PLCB1: variants seen among roughly 807,000 people sequenced by gnomAD.
PLCB1 encodes the protein phospholipase C beta 1, also known as 1-phosphatidylinositol 4,5-bisphosphate phosphodiesterase beta-1.
Under a neutral mutation model 161.8 loss-of-function variants are expected in PLCB1, and 46 were observed. That is an observed-to-expected ratio of 0.28 (90% confidence interval 0.22 to 0.36). PLCB1 has a LOEUF of 0.36. PLCB1 is among the 10% of genes least tolerant of loss of function. PLCB1 has a pLI of 1.00. For missense variants in PLCB1, 1,016 were observed against 1,472.5 expected, an observed-to-expected ratio of 0.69 and a Z score of 5.07; for synonymous variants, 517 against 503.7, an observed-to-expected ratio of 1.03 and a Z score of -0.35.
At chr20:8,621,362 T>A (rs538459771) in intron 3 of PLCB1, among the ~76,000 whole-genome samples, 1 of 152,306 alleles carries the variant, frequency 6.6e-6, no homozygotes, top group Non-Finnish European at 1.5e-5. Context: ...GGCTGAAAAG[T>A]TGTCTATACT....
At chr20:8,150,873 C>T (rs2051501917) in intron 2 of PLCB1, among the ~76,000 whole-genome samples, 1 of 152,136 alleles carries the variant, frequency 6.6e-6, no homozygotes, top group Non-Finnish European at 1.5e-5. Context: ...ATTCCTTTAG[C>T]CTATTCCTTC....
chr20:8,181,014 G>T (rs979280466), intron 2 of PLCB1, among the ~76,000 whole-genome samples: 8 of 151,694 alleles, frequency 5.3e-5, no homozygotes, highest in African/African-American at 1.9e-4. Flanking sequence ...TGATTGGGAG[G>T]CCGAGAGAGG....
chr20:8,685,052 A>G lies in PLCB1; in HGVS notation c.983A>G (p.Asn328Ser). 1 of 1,614,012 alleles carries G rather than the reference A, an allele frequency of 6.2e-7. No homozygotes were observed. ...MSQPLSHYFINSSHNTYLTAG... is the reference protein window; with the variant it reads ...MSQPLSHYFISSSHNTYLTAG... The stretch of plus-strand genomic sequence containing the variant: ...CAGCCCCTTTCTCACTATTTCATTA[A>G]TTCCTCGCACAACACCTACCTCACA... Residue 328 changes from asparagine (N) to serine (S), a missense_variant, in exon 10 of 32, where the codon AAT (asparagine) becomes AGT (serine). This residue lies in a region of PLCB1 where 9 missense variants were observed against 45.4 expected (regional missense o/e 0.20). Coordinates refer to ENST00000338037, the MANE Select transcript of PLCB1 (RefSeq NM_015192.4).
At chr20:8,702,237 C>T (rs187403242) in intron 11 of PLCB1, among the ~76,000 whole-genome samples, 75 of 152,248 alleles carry the variant, frequency 4.9e-4, no homozygotes, top group Non-Finnish European at 9.4e-4. Flanking sequence ...AATGCCTCAT[C>T]ACCTTAGCCT....
chr20:8,728,084 CATAA>C (rs1213648476), intron 17 of PLCB1, among the ~76,000 whole-genome samples: 1 of 152,038 alleles, frequency 6.6e-6, no homozygotes, highest in Non-Finnish European at 1.5e-5. Flanking sequence ...ATGTTGACTC[CATAA>C]ATAAAGTCCT....
chr20:8,545,902 T>C (rs1985521932), intron 3 of PLCB1, among the ~76,000 whole-genome samples: 1 of 152,140 alleles, frequency 6.6e-6, no homozygotes, highest in South Asian at 2.1e-4. Context: ...CATAGAGGGA[T>C]TAAGGCTAAA....
chr20:8,525,396 T>C (rs955150573), intron 3 of PLCB1, among the ~76,000 whole-genome samples: 1 of 152,194 alleles, frequency 6.6e-6, no homozygotes, highest in Non-Finnish European at 1.5e-5. Flanking sequence ...TGAAATGTCA[T>C]AAATATCTGT....
rs371522142 is a variant in PLCB1 at position 8,264,778 on chromosome 20, C to A, written c.178-106604C>A. On this transcript the variant is annotated intron_variant, in intron 2 of 31. Coordinates refer to ENST00000338037, the MANE Select transcript of PLCB1 (RefSeq NM_015192.4). ...TCATCTCTTATGCCTGATTTTGATT[C>A]TTTATTAATGTGGTGTAAGTCAATA... Among the ~76,000 whole-genome samples the A allele has an allele frequency of 5.3e-5, 8 of 151,950 alleles. No individual in the cohort carries two copies. The East Asian group carries it at 9.7e-4, about 18-fold the overall frequency.
chr20:8,461,815 G>A (rs1216491374), intron 3 of PLCB1, among the ~76,000 whole-genome samples: 3 of 152,026 alleles, frequency 2.0e-5, no homozygotes, highest in African/African-American at 7.2e-5. Flanking sequence ...TTTTTGGCCT[G>A]GGATTTTGTG....
intron 7 of PLCB1, among the ~76,000 whole-genome samples, chr20:8,654,080 A>T (rs2123308914): frequency 6.6e-6 from 1 of 152,032 alleles, no homozygotes; most frequent in Admixed American, 6.6e-5. Flanking sequence ...TTTATTTTTA[A>T]TTTGGCATTT....
chr20:8,386,340 G>A (rs1987425694), intron 3 of PLCB1, among the ~76,000 whole-genome samples: 1 of 152,194 alleles, frequency 6.6e-6, no homozygotes, highest in Admixed American at 6.5e-5. Context: ...GGATGCGTTA[G>A]CTGGTATAAA....
rs140679161 is a variant in PLCB1, at chr20:8,714,560, C to T, written c.1251-1704C>T. On this transcript the variant is annotated intron_variant, in intron 12 of 31. Coordinates refer to ENST00000338037, the MANE Select transcript of PLCB1 (RefSeq NM_015192.4). ...TTTCTAATGACTTGTCCTTCAGCAA[C>T]GACCTCCAATGCTTTTCAGGATCAA... 8.2e-4 allele frequency among the ~76,000 whole-genome samples: 125 copies of T among 152,272 alleles called. No individual in the cohort carries two copies. The East Asian group carries it at 0.011, about 13-fold the overall frequency.
chr20:8,420,415 G>A (rs1979490383), intron 3 of PLCB1, among the ~76,000 whole-genome samples: 1 of 152,160 alleles, frequency 6.6e-6, no homozygotes, highest in Non-Finnish European at 1.5e-5. Flanking sequence ...CAAGGGGTAC[G>A]TGTACAGGTT....
At chr20:8,739,029 G>A (rs1392668853) in intron 20 of PLCB1, among the ~76,000 whole-genome samples, 1 of 152,164 alleles carries the variant, frequency 6.6e-6, no homozygotes, top group Non-Finnish European at 1.5e-5. Flanking sequence ...GCATGCACCT[G>A]TAGTCCCAGC....
chr20:8,760,469 C>T lies in PLCB1; in HGVS notation c.2710+9C>T, dbSNP rs1981963854. 1.2e-6 allele frequency: 2 copies of T among 1,603,046 alleles called. No homozygotes were observed. The highest frequency in any genetic ancestry group is 1.1e-5 in the South Asian group (1 of 90,626). On this transcript the variant is annotated intron_variant, in intron 25 of 31. Transcript: ENST00000338037. ...TCAGAGTGTCTTAACAGGTAAATGC[C>T]ACCCTTTCCCCCCATGGAATTAAGC... is the stretch of plus-strand genomic sequence containing the variant.
rs565429435 is a variant in PLCB1 at position 8,214,020 on chromosome 20, C to A, written c.177+63649C>A. 1.5e-3 allele frequency among the ~76,000 whole-genome samples: 234 copies of A among 152,026 alleles called. 1 individual carries two copies. Among genetic ancestry groups the A allele is most frequent in the African/African-American group, 5.4e-3 (226 of 41,472 alleles). On this transcript the variant is annotated intron_variant, in intron 2 of 31. Transcript: ENST00000338037. Reference sequence around the variant, plus strand: ...CTTAAATATTAGACCAAAGCAGGGACAATAGAAAATGTGTTTACAAACCCT... The same window carrying A: ...CTTAAATATTAGACCAAAGCAGGGAAAATAGAAAATGTGTTTACAAACCCT...
intron 3 of PLCB1, among the ~76,000 whole-genome samples, chr20:8,601,650 A>C (rs935475788): frequency 1.4e-5 from 2 of 146,788 alleles, no homozygotes; most frequent in Admixed American, 1.3e-4. Flanking sequence ...GAAGTGGAAG[A>C]GTTGAGTGAC....
intron 2 of PLCB1, among the ~76,000 whole-genome samples, chr20:8,273,548 A>G (rs187380115): frequency 2.0e-5 from 3 of 152,130 alleles, no homozygotes; most frequent in Admixed American, 2.0e-4. Flanking sequence ...CTGCTTTGCC[A>G]CTTCAAAGCA....
chr20:8,540,094 G>T (rs1985248348), intron 3 of PLCB1, among the ~76,000 whole-genome samples: 1 of 152,068 alleles, frequency 6.6e-6, no homozygotes, highest in South Asian at 2.1e-4. Flanking sequence ...AGGCTAACAA[G>T]AATGATATCA....
Sources: allele counts gnomAD v4.1 joint callset (sites outside exome capture counted in the v4.1 genomes callset), GRCh38; gene constraint gnomAD v4.1.1; regional missense constraint gnomAD v4.1.1; transcripts MANE v1.5; gene names NCBI Gene and HGNC (gene_info 2026-07-23, HGNC 2026-07-21).